Variants in NRXN3 observed in about 807,000 individuals in gnomAD.
NRXN3 encodes neurexin III.
A neutral mutation model predicts 137.6 loss-of-function variants in NRXN3; 32 were observed. The ratio of observed to expected loss-of-function variants is 0.23; its 90% CI spans 0.18 to 0.31. The LOEUF (loss-of-function observed/expected upper bound fraction) is 0.31. Ranked by LOEUF, NRXN3 falls within the 10% of genes least tolerant of loss-of-function variation. The pLI, the probability that NRXN3 is intolerant of heterozygous loss-of-function variation, is 1.00. For missense variants in NRXN3, 1,574 were observed against 2,062.5 expected, an observed-to-expected ratio of 0.76 and a Z score of 4.59; for synonymous variants, 798 against 784.5, an observed-to-expected ratio of 1.02 and a Z score of -0.29.
At chr14:78,294,412 C>G (rs558837211) in intron 3 of NRXN3, among the ~76,000 whole-genome samples, 2 of 151,906 alleles carry the variant, frequency 1.3e-5, no homozygotes, top group Non-Finnish European at 2.9e-5. Context: ...AAAATTTAGC[C>G]AGGCATGGTG....
At chr14:79,039,015 C>A (rs576481140) in intron 15 of NRXN3, among the ~76,000 whole-genome samples, 1 of 152,128 alleles carries the variant, frequency 6.6e-6, no homozygotes, top group South Asian at 2.1e-4. Context: ...ACTTTTAGAA[C>A]CCAAACAAAA....
intron 15 of NRXN3, among the ~76,000 whole-genome samples, chr14:79,408,873 CT>C (rs2095362324): frequency 6.6e-6 from 1 of 151,940 alleles, no homozygotes; most frequent in Admixed American, 6.6e-5. Context: ...TTCTTTGTTC[CT>C]TTGTGGGTGT....
intron 20 of NRXN3, among the ~76,000 whole-genome samples, chr14:79,860,230 C>A (rs953098102): frequency 6.6e-6 from 1 of 151,796 alleles, no homozygotes; most frequent in Non-Finnish European, 1.5e-5. Flanking sequence ...TTTGCTAAGT[C>A]AACATTTCTG....
chr14:79,775,511 C>T (rs1263487238), intron 19 of NRXN3, among the ~76,000 whole-genome samples: 1 of 137,650 alleles, frequency 7.3e-6, no homozygotes, highest in African/African-American at 2.8e-5. Flanking sequence ...ATGGATAAGA[C>T]TGAAATCAGG....
chr14:79,616,344 T>A (rs1439649429), intron 16 of NRXN3, among the ~76,000 whole-genome samples: 1 of 152,102 alleles, frequency 6.6e-6, no homozygotes, highest in Non-Finnish European at 1.5e-5. Context: ...AACTAGGTGA[T>A]AGACAGAAGT....
rs768519884 is a variant in NRXN3, at chr14:78,651,268, G to A, written c.1163G>A (p.Ser388Asn). The change falls in exon 6 of 21, where the codon AGT (serine) becomes AAT (asparagine). Residue 388 changes from serine (S) to asparagine (N), a missense_variant. Transcript: ENST00000335750. ...DDFFYVGGSPSTADLPGSPVS... is the reference protein window; with the variant it reads ...DDFFYVGGSPNTADLPGSPVS... ...TTCTTCTATGTAGGAGGAAGCCCAA[G>A]TACCGCTGACTTGCCTGGCTCCCCT... 6 of 1,614,104 alleles carry A rather than the reference G, an allele frequency of 3.7e-6. No homozygotes were observed. The South Asian group carries it at 6.6e-5, about 18-fold the overall frequency.
At chr14:78,607,731 A>G (rs2097264500) in intron 4 of NRXN3, among the ~76,000 whole-genome samples, 4 of 152,150 alleles carry the variant, frequency 2.6e-5, no homozygotes. Context: ...CAGGCATACT[A>G]TGTTGCTATT....
rs116912193 is a variant in NRXN3 at position 79,394,670 on chromosome 14, A to T, written c.3263-72551A>T. ...CAGAACCTTTTGAGACAGGGGCAGG[A>T]CTTGGCATCAGTATTTCTTAAATAT... On this transcript the variant is annotated intron_variant, in intron 15 of 20. Coordinates refer to ENST00000335750, the MANE Select transcript of NRXN3 (RefSeq NM_001330195.2). Among the ~76,000 whole-genome samples, 765 of 152,338 alleles carry T rather than the reference A, an allele frequency of 5.0e-3. 49 individuals carry two copies. The East Asian group carries it at 0.13, about 26-fold the overall frequency.
chr14:79,060,359 G>A (rs10147558), intron 15 of NRXN3, among the ~76,000 whole-genome samples: 2 of 152,008 alleles, frequency 1.3e-5, no homozygotes, highest in African/African-American at 2.4e-5. Context: ...GAGGATAAGT[G>A]TTGTGTCTTC....
At chr14:78,376,770 G>A (rs1296851781) in intron 4 of NRXN3, among the ~76,000 whole-genome samples, 1 of 152,122 alleles carries the variant, frequency 6.6e-6, no homozygotes, top group Non-Finnish European at 1.5e-5. Flanking sequence ...GAATAGCCCA[G>A]AAATATTTGA....
intron 15 of NRXN3, among the ~76,000 whole-genome samples, chr14:79,111,869 C>A (rs1471208804): frequency 2.0e-5 from 3 of 151,990 alleles, no homozygotes; most frequent in Non-Finnish European, 4.4e-5. Flanking sequence ...GGGTAGCCAT[C>A]AGAATCATTT....
intron 16 of NRXN3, among the ~76,000 whole-genome samples, chr14:79,528,759 G>A (rs1378469493): frequency 6.6e-6 from 1 of 152,040 alleles, no homozygotes; most frequent in Non-Finnish European, 1.5e-5. Flanking sequence ...AACATGATGT[G>A]CCTTTTGTCA....
chr14:78,645,112 T>G lies in NRXN3; in HGVS notation c.758-8T>G. On this transcript the variant is annotated splice_region_variant and splice_polypyrimidine_tract_variant and intron_variant, in intron 4 of 20. Coordinates refer to ENST00000335750, the MANE Select transcript of NRXN3 (RefSeq NM_001330195.2). ...TGCTGATTGCTTTCCTCTTTTCTTTTCCTATAGCTCGAGAGGAGAATGTGG... is the reference window on the plus strand; with the variant it reads ...TGCTGATTGCTTTCCTCTTTTCTTTGCCTATAGCTCGAGAGGAGAATGTGG... 6.5e-7 allele frequency: 1 copy of G among 1,534,988 alleles called. No homozygotes were observed. The highest frequency in any genetic ancestry group is 8.7e-7 in the Non-Finnish European group (1 of 1,145,026).
chr14:78,818,292 C>A (rs1434961276), intron 10 of NRXN3, among the ~76,000 whole-genome samples: 1 of 152,038 alleles, frequency 6.6e-6, no homozygotes, highest in Non-Finnish European at 1.5e-5. Flanking sequence ...TGACTTGAAG[C>A]TACCTTGGAT....
At position 78,649,320 on chromosome 14, in the gene NRXN3, T is replaced by A. The variant is rs993670066; in HGVS notation, c.1060-1845T>A. The A allele has an allele frequency of 7.5e-6, 10 of 1,327,580 alleles. No individual in the cohort carries two copies. The African/African-American group carries it at 1.5e-4, about 20-fold the overall frequency. The allele number at this position is 1,327,580 out of a possible 1,614,324, so 82.2% of individuals were successfully genotyped here. Reference sequence around the variant, plus strand: ...AACAAACTACATTGTCTGGTAGATATCATTCTTATTGTCTCTTTTTTTGGG... The same window carrying A: ...AACAAACTACATTGTCTGGTAGATAACATTCTTATTGTCTCTTTTTTTGGG... On this transcript the variant is annotated intron_variant, in intron 5 of 20. Transcript: ENST00000335750.
intron 15 of NRXN3, among the ~76,000 whole-genome samples, chr14:79,015,249 G>C (rs1163677182): frequency 6.6e-6 from 1 of 152,070 alleles, no homozygotes; most frequent in Non-Finnish European, 1.5e-5. Context: ...CTCTACAATT[G>C]CGTAACTGAA....
At chr14:79,727,383 T>A (rs1234599757) in intron 19 of NRXN3, among the ~76,000 whole-genome samples, 1 of 152,166 alleles carries the variant, frequency 6.6e-6, no homozygotes, top group Admixed American at 6.6e-5. Flanking sequence ...CGATGTTAAT[T>A]TCTGAAATAA....
intron 15 of NRXN3, among the ~76,000 whole-genome samples, chr14:79,051,071 G>T (rs148137569): frequency 6.6e-6 from 1 of 152,070 alleles, no homozygotes; most frequent in African/African-American, 2.4e-5. Flanking sequence ...TGACACATAG[G>T]GAGGTTTAAA....
intron 2 of NRXN3, among the ~76,000 whole-genome samples, chr14:78,278,211 C>T (rs2073889893): frequency 6.6e-6 from 1 of 152,150 alleles, no homozygotes; most frequent in South Asian, 2.1e-4. Flanking sequence ...TTTCTCTCTG[C>T]TGGGAAACCT....
Sources: allele counts gnomAD v4.1 joint callset (sites outside exome capture counted in the v4.1 genomes callset), GRCh38; gene constraint gnomAD v4.1.1; transcripts MANE v1.5; gene names NCBI Gene and HGNC (gene_info 2026-07-23, HGNC 2026-07-21).